Variants in RTN1 observed in about 807,000 individuals in gnomAD.
RTN1 encodes reticulon 1.
RTN1 carries 25 observed loss-of-function variants against 65.5 expected under a neutral mutation model. The observed-to-expected ratio is 0.38, with a 90% CI of 0.28 to 0.53. The LOEUF (loss-of-function observed/expected upper bound fraction) is 0.53. RTN1 is among the 20% of genes least tolerant of loss of function. The pLI, the probability that RTN1 is intolerant of heterozygous loss-of-function variation, is 0.79. For synonymous variants in RTN1, 471 were observed against 447.6 expected (o/e 1.05, Z -0.66); for missense variants, 983 against 1,025.4 (o/e 0.96, Z 0.57).
chr14:59,777,819 CAACA>C (rs1314717972), intron 1 of RTN1, among the ~76,000 whole-genome samples: 1 of 109,308 alleles, frequency 9.1e-6, no homozygotes, highest in Non-Finnish European at 1.9e-5. Flanking sequence ...ACAACAACAA[CAACA>C]AAAAAAAAAA....
intron 1 of RTN1, among the ~76,000 whole-genome samples, chr14:59,830,419 A>T (rs949150930): frequency 6.6e-6 from 1 of 152,176 alleles, no homozygotes; most frequent in African/African-American, 2.4e-5. Context: ...GGAAGTCTCT[A>T]TCTGGGTAGC....
In RTN1 at chr14:59,727,034, C is replaced by T. The variant is rs200429717; in HGVS notation, c.1650G>A (p.Leu550=). The T allele has an allele frequency of 3.5e-5, 56 of 1,613,480 alleles. No individual in the cohort carries two copies. The highest frequency in any genetic ancestry group is 4.5e-5 in the Non-Finnish European group (53 of 1,179,744). The change falls in exon 3 of 9, where the codon TTG becomes TTA. Residue 550 remains leucine, a synonymous_variant. Coordinates refer to ENST00000267484, the MANE Select transcript of RTN1 (RefSeq NM_021136.3). The surrounding 1 kb of genome is among the most constrained non-coding windows in gnomAD (Gnocchi z 4.2). ...TCGAGTCTTCTTCAGGCTTCCGTGG[C>T]AACATGGGCGTCTCAGGCTCCAGGG... ...DGALEPETPM[L]PRKPEEDSSS...
intron 3 of RTN1, among the ~76,000 whole-genome samples, chr14:59,613,498 C>T (rs1159286656): frequency 6.6e-6 from 1 of 152,034 alleles, no homozygotes; most frequent in Non-Finnish European, 1.5e-5. Flanking sequence ...TGGGTTTTCA[C>T]CATGTTGGCC....
In RTN1 at chr14:59,600,543, A is replaced by T. The variant is rs1393739968; in HGVS notation, c.2288+2522T>A. 2.0e-5 allele frequency among the ~76,000 whole-genome samples: 3 copies of T among 152,272 alleles called. No individual in the cohort carries two copies. In the East Asian group the frequency reaches 5.8e-4, roughly 29 times the overall value. On this transcript the variant is annotated intron_variant, in intron 8 of 8. Transcript: ENST00000267484. ...GTAAGTTCTTTTGCTGGAATTATTT[A>T]TTCTAAGGTGGAATTACAATTTCAG...
At chr14:59,860,623 C>T (rs937208609) in intron 1 of RTN1, among the ~76,000 whole-genome samples, 1 of 152,190 alleles carries the variant, frequency 6.6e-6, no homozygotes, top group South Asian at 2.1e-4. Flanking sequence ...GGAAAAGCCA[C>T]AGGCACTCAA....
At chr14:59,715,151 C>G (rs1050884158) in intron 3 of RTN1, among the ~76,000 whole-genome samples, 20 of 152,138 alleles carry the variant, frequency 1.3e-4, no homozygotes, top group Non-Finnish European at 2.8e-4. Flanking sequence ...CAAATATATA[C>G]AGTGGGAGAG....
At chr14:59,729,042 A>G (rs1240566584) in intron 2 of RTN1, among the ~76,000 whole-genome samples, 2 of 152,212 alleles carry the variant, frequency 1.3e-5, no homozygotes, top group African/African-American at 4.8e-5. Flanking sequence ...ATGAGTTTGC[A>G]ATTTTAAATA....
chr14:59,827,803 T>C (rs1284372228), intron 1 of RTN1, among the ~76,000 whole-genome samples: 2 of 152,210 alleles, frequency 1.3e-5, no homozygotes, highest in Admixed American at 6.5e-5. Context: ...CTACCCTTTG[T>C]AGTCAAACTC....
At chr14:59,643,807 AGTT>A (rs1251075943) in intron 3 of RTN1, among the ~76,000 whole-genome samples, 1 of 152,214 alleles carries the variant, frequency 6.6e-6, no homozygotes, top group Non-Finnish European at 1.5e-5. Flanking sequence ...CAGAATCTAA[AGTT>A]GTCACATTAT....
chr14:59,697,286 C>G (rs1884082654), intron 3 of RTN1, among the ~76,000 whole-genome samples: 1 of 152,118 alleles, frequency 6.6e-6, no homozygotes. Context: ...TGTTATTATA[C>G]TTAATATTTT....
intron 1 of RTN1, among the ~76,000 whole-genome samples, chr14:59,807,701 G>T (rs899540329): frequency 6.6e-6 from 1 of 152,146 alleles, no homozygotes; most frequent in African/African-American, 2.4e-5. Flanking sequence ...GTTTACAAGG[G>T]ATATAATATT....
intron 3 of RTN1, among the ~76,000 whole-genome samples, chr14:59,616,604 T>C (rs1240127680): frequency 2.6e-5 from 4 of 152,334 alleles, no homozygotes; most frequent in African/African-American, 9.6e-5. Context: ...GTGTACATTA[T>C]TAATAATTAT....
chr14:59,731,333 G>A (rs1261851143), intron 2 of RTN1, among the ~76,000 whole-genome samples: 1 of 152,144 alleles, frequency 6.6e-6, no homozygotes, highest in Non-Finnish European at 1.5e-5. Context: ...TAGTAGTTAT[G>A]GGGAGTGGGG....
intron 3 of RTN1, among the ~76,000 whole-genome samples, chr14:59,655,342 A>C (rs1246226543): frequency 6.6e-6 from 1 of 152,236 alleles, no homozygotes; most frequent in Non-Finnish European, 1.5e-5. Flanking sequence ...TTTTGTTCAT[A>C]GATTGAAAGA....
chr14:59,656,262 G>A (rs1883121222), intron 3 of RTN1, among the ~76,000 whole-genome samples: 1 of 149,486 alleles, frequency 6.7e-6, no homozygotes, highest in Admixed American at 6.7e-5. Context: ...TTCTTTGGGG[G>A]GTAATGAAAA....
At chr14:59,715,927 T>A (rs1884525557) in intron 3 of RTN1, among the ~76,000 whole-genome samples, 1 of 152,096 alleles carries the variant, frequency 6.6e-6, no homozygotes, top group Admixed American at 6.5e-5. Context: ...CTTTCTAGAA[T>A]CATTTATTTA....
chr14:59,689,286 C>T (rs1259543513), intron 3 of RTN1, among the ~76,000 whole-genome samples: 1 of 152,068 alleles, frequency 6.6e-6, no homozygotes, highest in African/African-American at 2.4e-5. Flanking sequence ...AAAAAGTGAA[C>T]AAAGTCTTTT....
chr14:59,822,141 G>A (rs1303536373), intron 1 of RTN1, among the ~76,000 whole-genome samples: 1 of 152,106 alleles, frequency 6.6e-6, no homozygotes, highest in Non-Finnish European at 1.5e-5. Flanking sequence ...ATCTGGCCTG[G>A]GGCCTTTTCT....
intron 1 of RTN1, among the ~76,000 whole-genome samples, chr14:59,830,953 G>A (rs1389246598): frequency 6.6e-6 from 1 of 152,176 alleles, no homozygotes; most frequent in Non-Finnish European, 1.5e-5. Flanking sequence ...TCCTGGACCA[G>A]TTCATGAAAA....
Sources: gnomAD v4.1 joint callset for allele counts (sites outside exome capture counted in the v4.1 genomes callset) on GRCh38, gnomAD v4.1.1 for gene constraint, Gnocchi (gnomAD v3.1) non-coding constraint, MANE v1.5 for transcripts, NCBI Gene and HGNC (gene_info 2026-07-23, HGNC 2026-07-21) for gene names.